SKAP1: variants seen among roughly 807,000 people sequenced by gnomAD.
SKAP1 encodes the protein src kinase associated phosphoprotein 1.
Under a neutral mutation model 58.5 loss-of-function variants are expected in SKAP1, and 44 were observed. The observed-to-expected ratio is 0.75, with a 90% confidence interval of 0.59 to 0.97. The LOEUF is 0.97. Ranked by LOEUF, SKAP1 falls within the 50% of genes least tolerant of loss-of-function variation. The probability of loss-of-function intolerance (pLI) is 0.00; values close to 1 mark genes in which losing one functional copy is unlikely to be tolerated. For synonymous variants in SKAP1, 127 were observed against 149.7 expected, an observed-to-expected ratio of 0.85 and a Z score of 1.11; for missense variants, 390 against 435.2, an observed-to-expected ratio of 0.90 and a Z score of 0.92.
At chr17:48,327,883 T>A (rs918699796) in intron 4 of SKAP1, among the ~76,000 whole-genome samples, 1 of 152,178 alleles carries the variant, frequency 6.6e-6, no homozygotes, top group Non-Finnish European at 1.5e-5. Flanking sequence ...CTGCCCGTCT[T>A]GGCCTCCCAA....
At chr17:48,435,956 A>C in the SKAP1 span, among the ~76,000 whole-genome samples, 1 of 152,268 alleles carries the variant, frequency 6.6e-6, no homozygotes, top group East Asian at 1.9e-4. Flanking sequence ...TTTCGATGTA[A>C]GAAAGTGAGT....
At chr17:48,239,850 CAG>C (rs71141976) in intron 4 of SKAP1, among the ~76,000 whole-genome samples, 272 of 129,638 alleles carry the variant, frequency 2.1e-3, no homozygotes, top group African/African-American at 5.2e-3. Flanking sequence ...GAGAGAGAGA[CAG>C]AGAGAGAGAG....
Position 48,407,841 on chromosome 17 carries a change from G to C in SKAP1, c.47-11056C>G, listed in dbSNP as rs553628522. Among the ~76,000 whole-genome samples the C allele has an allele frequency of 1.1e-4, 16 of 144,918 alleles. No individual in the cohort carries two copies. The East Asian group carries it at 1.8e-3, about 16-fold the overall frequency. On this transcript the variant is annotated intron_variant, in intron 1 of 12. Transcript: ENST00000336915. ...TGCATTCCAGCATGGGCAACAGAGT[G>C]AGACTTTGTCTCCAAAAAAAAAAAA...
rs963798881 is a variant in SKAP1 at position 48,162,405 on chromosome 17, T to C, written c.978+64A>G. The C allele has an allele frequency of 1.2e-5, 13 of 1,072,962 alleles. No individual in the cohort carries two copies. In the Admixed American group the frequency reaches 1.9e-4, roughly 16 times the overall value. 66.5% of individuals were successfully genotyped at this position (1,072,962 alleles called of 1,614,324 possible). On this transcript the variant is annotated intron_variant, in intron 11 of 12. Coordinates refer to ENST00000336915, the MANE Select transcript of SKAP1 (RefSeq NM_003726.4). Reference sequence around the variant, plus strand: ...GTATGACATGGAATAATTCTGTTTATGGTGACTAAATCAAGAATGAAAAAA... The same window carrying C: ...GTATGACATGGAATAATTCTGTTTACGGTGACTAAATCAAGAATGAAAAAA...
intron 3 of SKAP1, 146 bp downstream of exon 3, chr17:48,363,643 G>C: frequency 1.6e-6 from 1 of 623,964 alleles, no homozygotes; most frequent in Non-Finnish European, 2.8e-6. Context: ...AGCGCAGCAG[G>C]GTGAAGGTTA....
chr17:48,394,232 A>AAAAC (rs775467452), intron 2 of SKAP1, among the ~76,000 whole-genome samples: 26 of 152,334 alleles, frequency 1.7e-4, no homozygotes, highest in African/African-American at 5.3e-4. Context: ...AAAAAAGCGA[A>AAAAC]AAACAAACAA....
chr17:48,203,572 C>T (rs2064757167), intron 4 of SKAP1: 1 of 152,160 alleles, frequency 6.6e-6, no homozygotes, highest in South Asian at 2.1e-4. Context: ...GTGTGTTTAA[C>T]TGAATAATTT....
intron 4 of SKAP1, among the ~76,000 whole-genome samples, chr17:48,216,217 T>G (rs1204905738): frequency 6.6e-6 from 1 of 152,034 alleles, no homozygotes; most frequent in Non-Finnish European, 1.5e-5. Flanking sequence ...TAAACAGGAG[T>G]CAGTTATATC....
Position 48,375,891 on chromosome 17 carries a change from T to C in SKAP1, c.153-12077A>G, listed in dbSNP as rs563428862. 6.6e-5 allele frequency among the ~76,000 whole-genome samples: 10 copies of C among 152,236 alleles called. No individual in the cohort carries two copies. In the South Asian group the frequency reaches 1.5e-3, roughly 22 times the overall value. On this transcript the variant is annotated intron_variant, in intron 2 of 12. Coordinates refer to ENST00000336915, the MANE Select transcript of SKAP1 (RefSeq NM_003726.4). ...GATGGGAGGGAGAAAAGTGGGGAGA[T>C]AGTTTAGGAAGCTACTTGAGAGCAA...
chr17:48,189,321 A>G (rs1047394460), intron 5 of SKAP1, 102 bp downstream of exon 5: 7 of 930,094 alleles, frequency 7.5e-6, no homozygotes, highest in Middle Eastern at 2.2e-4. Context: ...TCCGCCTAGC[A>G]CAGTACCGGG....
intron 1 of SKAP1, among the ~76,000 whole-genome samples, chr17:48,417,091 C>T (rs766596405): frequency 3.3e-5 from 5 of 152,274 alleles, no homozygotes; most frequent in South Asian, 4.1e-4. Flanking sequence ...AGAAGGAAAA[C>T]GTGTTGGCAG....
intron 4 of SKAP1, among the ~76,000 whole-genome samples, chr17:48,256,242 T>C (rs1436184800): frequency 6.6e-6 from 1 of 151,886 alleles, no homozygotes; most frequent in Non-Finnish European, 1.5e-5. Context: ...CAGAGAGTAG[T>C]GTAAGAGAGA....
At chr17:48,309,767 T>C (rs1033403142) in intron 4 of SKAP1, among the ~76,000 whole-genome samples, 14 of 152,216 alleles carry the variant, frequency 9.2e-5, no homozygotes, top group Admixed American at 2.0e-4. Context: ...TTCTTTATTA[T>C]GTCTGTCAGC....
intron 4 of SKAP1, among the ~76,000 whole-genome samples, chr17:48,336,744 C>T (rs910167118): frequency 6.6e-6 from 1 of 152,048 alleles, no homozygotes; most frequent in Non-Finnish European, 1.5e-5. Flanking sequence ...ATTAGAAGGG[C>T]TAGATTAGAT....
At chr17:48,291,593 G>A (rs1488201430) in intron 4 of SKAP1, among the ~76,000 whole-genome samples, 1 of 152,156 alleles carries the variant, frequency 6.6e-6, no homozygotes, top group Non-Finnish European at 1.5e-5. Flanking sequence ...TGTTTGAGGT[G>A]CTCAATGGCT....
chr17:48,230,077 G>GC (rs951771978), intron 4 of SKAP1, among the ~76,000 whole-genome samples: 1 of 45,794 alleles, frequency 2.2e-5, no homozygotes, highest in Non-Finnish European at 4.5e-5. Context: ...TTTCAACAAT[G>GC]CCCCTTTGGT....
At chr17:48,185,362 G>A (rs183755117) in intron 6 of SKAP1, among the ~76,000 whole-genome samples, 1 of 152,208 alleles carries the variant, frequency 6.6e-6, no homozygotes, top group East Asian at 1.9e-4. Flanking sequence ...TATGCCAGAG[G>A]GAGAATAATT....
At chr17:48,336,118 T>C (rs965458131) in intron 4 of SKAP1, among the ~76,000 whole-genome samples, 4 of 152,146 alleles carry the variant, frequency 2.6e-5, no homozygotes, top group African/African-American at 9.6e-5. Flanking sequence ...TCAAGGTCTA[T>C]AAAACCCTCT....
intron 4 of SKAP1, among the ~76,000 whole-genome samples, chr17:48,194,928 G>A (rs1415417950): frequency 2.0e-5 from 3 of 152,138 alleles, no homozygotes; most frequent in Admixed American, 6.5e-5. Context: ...TGAGATTGGA[G>A]AAAATTTAAC....
Sources: allele counts gnomAD v4.1 joint callset (sites outside exome capture counted in the v4.1 genomes callset), GRCh38; gene constraint gnomAD v4.1.1; transcripts MANE v1.5; gene names NCBI Gene and HGNC (gene_info 2026-07-23, HGNC 2026-07-21).